DNER: variants seen among roughly 807,000 people sequenced by gnomAD.
DNER encodes delta and Notch-like epidermal growth factor-related receptor.
In DNER, 33 loss-of-function variants were observed where a neutral mutation model predicts 78.2. The observed-to-expected ratio is 0.42, with a 90% CI of 0.32 to 0.56. The LOEUF (loss-of-function observed/expected upper bound fraction) is 0.56, where lower values mean the gene tolerates loss of function less well. Among genes scored for constraint, DNER ranks in the 20% least tolerant of loss-of-function variants. The pLI is 0.11. For missense variants in DNER, 918 were observed against 975.3 expected (o/e 0.94, Z 0.78); for synonymous variants, 417 against 384.8 (o/e 1.08, Z -0.98).
rs146335768 is a variant in DNER at position 229,552,671 on chromosome 2, C to G, written c.848-5579G>C. Among the ~76,000 whole-genome samples, 484 of 152,310 alleles carry G rather than the reference C, an allele frequency of 3.2e-3. 1 individual carries two copies. Among genetic ancestry groups the G allele is most frequent in the African/African-American group, 0.011 (460 of 41,562 alleles). On this transcript the variant is annotated intron_variant, in intron 4 of 12. Transcript: ENST00000341772. Reference sequence around the variant, plus strand: ...TGTTTGTAAGTTTCCTGAGGGCTCCCAATCCCTGCGGAACTGTGAGTCAGT... The same window carrying G: ...TGTTTGTAAGTTTCCTGAGGGCTCCGAATCCCTGCGGAACTGTGAGTCAGT...
chr2:229,697,441 C>A lies in DNER; in HGVS notation c.276+16707G>T, dbSNP rs1465494718. 3.3e-5 allele frequency among the ~76,000 whole-genome samples: 5 copies of A among 152,256 alleles called. No individual in the cohort carries two copies. The East Asian group carries it at 9.6e-4, about 29-fold the overall frequency. ...ACTAGATTATGAACATACAAAATGC[C>A]ACTAAAAGGTTCCCTTTAAAATGGT... is the stretch of plus-strand genomic sequence containing the variant. On this transcript the variant is annotated intron_variant, in intron 1 of 12. Transcript: ENST00000341772.
At chr2:229,701,842 C>G (rs531091140) in intron 1 of DNER, 3 of 155,782 alleles carry the variant, frequency 1.9e-5, no homozygotes, top group Non-Finnish European at 4.3e-5. Context: ...GGAGTTCAAC[C>G]AGACTATGAA....
At chr2:229,446,708 G>T (rs535387022) in intron 8 of DNER, among the ~76,000 whole-genome samples, 1 of 152,158 alleles carries the variant, frequency 6.6e-6, no homozygotes, top group East Asian at 1.9e-4. Flanking sequence ...TCACTTCTAG[G>T]TATCAAAACC....
chr2:229,549,420 C>T (rs1258935963), intron 4 of DNER, among the ~76,000 whole-genome samples: 2 of 152,154 alleles, frequency 1.3e-5, no homozygotes, highest in Non-Finnish European at 2.9e-5. Flanking sequence ...ATCCTCTTGC[C>T]TCAGCCTGCC....
intron 4 of DNER, among the ~76,000 whole-genome samples, chr2:229,573,134 A>G (rs1697244310): frequency 6.6e-6 from 1 of 152,212 alleles, no homozygotes; most frequent in Admixed American, 6.5e-5. Context: ...GCAGCCAAAC[A>G]GCATTTGTCA....
intron 4 of DNER, among the ~76,000 whole-genome samples, chr2:229,576,247 GT>G (rs1177583547): frequency 6.7e-6 from 1 of 150,152 alleles, no homozygotes; most frequent in Non-Finnish European, 1.5e-5. Flanking sequence ...TTCTTCAACT[GT>G]TTTACCCCTG....
At chr2:229,619,387 A>C (rs72991634) in intron 1 of DNER, among the ~76,000 whole-genome samples, 3,350 of 152,308 alleles carry the variant, frequency 0.022, 50 homozygotes, top group Middle Eastern at 0.034. Context: ...ATTAGAAAGA[A>C]AAGTTTTTAC....
chr2:229,432,730 T>C (rs1353347098), intron 8 of DNER, among the ~76,000 whole-genome samples: 2 of 152,092 alleles, frequency 1.3e-5, no homozygotes, highest in East Asian at 3.9e-4. Flanking sequence ...TCAGGGACTC[T>C]AAGGGTAGGG....
At chr2:229,676,165 A>G (rs138035886) in intron 1 of DNER, among the ~76,000 whole-genome samples, 92 of 152,312 alleles carry the variant, frequency 6.0e-4, no homozygotes, top group African/African-American at 2.2e-3. Flanking sequence ...AAAATACTCT[A>G]AAGAACAAGG....
At chr2:229,585,365 A>G (rs993741848) in intron 4 of DNER, among the ~76,000 whole-genome samples, 5 of 152,092 alleles carry the variant, frequency 3.3e-5, no homozygotes, top group African/African-American at 1.2e-4. Context: ...GCCACACTAG[A>G]AATATTATGT....
intron 1 of DNER, among the ~76,000 whole-genome samples, chr2:229,633,808 C>A (rs1315132607): frequency 1.3e-5 from 2 of 152,174 alleles, no homozygotes; most frequent in African/African-American, 2.4e-5. Flanking sequence ...AAGAGAGGTG[C>A]GCTCCAGCCA....
Position 229,512,824 on chromosome 2 carries a change from T to C in DNER, c.1106A>G (p.Glu369Gly), listed in dbSNP as rs1397473407. Residue 369 changes from glutamate (E) to glycine (G), a missense_variant, in exon 6 of 13, where the codon GAA becomes GGA. Glu to Gly is a moderately conservative substitution (Grantham distance 98, BLOSUM62 -2). Transcript: ENST00000341772. ...GGTGAAATTGCTCCCATCTTGCTTT[T>C]CATTTGCATCAATACAGCTCGCGTT... ...QNNASCIDAN[E>G]KQDGSNFTCV... is the part of the protein sequence containing the mutation. The C allele has an allele frequency of 6.2e-7, 1 of 1,614,198 alleles. No individual in the cohort carries two copies. The highest frequency in any genetic ancestry group is 1.1e-5 in the South Asian group (1 of 91,076).
chr2:229,404,145 C>G (rs1268023813), intron 10 of DNER, among the ~76,000 whole-genome samples: 1 of 151,998 alleles, frequency 6.6e-6, no homozygotes, highest in African/African-American at 2.4e-5. Context: ...GTGAAAAGAT[C>G]TAAGAGGTTT....
Position 229,714,136 on chromosome 2 carries a change from G to A in DNER, c.276+12C>T. 5 of 1,296,980 alleles carry A rather than the reference G, an allele frequency of 3.9e-6. No individual in the cohort carries two copies. Among genetic ancestry groups the A allele is most frequent in the Non-Finnish European group, 4.9e-6 (5 of 1,022,560 alleles). The allele number at this position is 1,296,980 out of a possible 1,614,324, so 80.3% of individuals were successfully genotyped here. A position where few individuals can be genotyped will look rare whatever the true frequency, so the allele number is the denominator to read the frequency against. On this transcript the variant is annotated intron_variant, in intron 1 of 12. Transcript: ENST00000341772. Reference sequence around the variant, plus strand: ...ACCAGCGCCCCGCACCGCGCCCGCCGCTTCCACTCACCTGGCAGTTGGCGC... The same window carrying A: ...ACCAGCGCCCCGCACCGCGCCCGCCACTTCCACTCACCTGGCAGTTGGCGC...
chr2:229,381,384 T>C (rs1389558927), intron 11 of DNER, among the ~76,000 whole-genome samples: 1 of 152,096 alleles, frequency 6.6e-6, no homozygotes, highest in Non-Finnish European at 1.5e-5. Context: ...AGGAGTACTT[T>C]TTTTTTCCTA....
At chr2:229,413,309 CT>C (rs1268301514) in intron 9 of DNER, among the ~76,000 whole-genome samples, 1 of 94,136 alleles carries the variant, frequency 1.1e-5, no homozygotes, top group East Asian at 3.3e-4. Flanking sequence ...TTTTCTTTTT[CT>C]TTTTCTTCTT....
intron 1 of DNER, among the ~76,000 whole-genome samples, chr2:229,692,851 G>C (rs1050619302): frequency 3.3e-5 from 5 of 151,868 alleles, no homozygotes; most frequent in African/African-American, 1.2e-4. Context: ...AGGATGAGCA[G>C]ATAGCTGTTA....
intron 10 of DNER, among the ~76,000 whole-genome samples, chr2:229,393,198 C>T (rs377370905): frequency 6.6e-6 from 1 of 151,962 alleles, no homozygotes; most frequent in East Asian, 2.0e-4. Flanking sequence ...GAGTCTGAGG[C>T]GGGCTGATCA....
chr2:229,648,259 C>T (rs775052590), intron 1 of DNER, among the ~76,000 whole-genome samples: 1 of 152,098 alleles, frequency 6.6e-6, no homozygotes, highest in East Asian at 1.9e-4. Context: ...TGTTTGCAAC[C>T]CAGGAGTCTA....
Sources: allele counts gnomAD v4.1 joint callset (sites outside exome capture counted in the v4.1 genomes callset), GRCh38; gene constraint gnomAD v4.1.1; transcripts MANE v1.5; gene names NCBI Gene and HGNC (gene_info 2026-07-23, HGNC 2026-07-21).